Variants in EYA1 observed in about 807,000 individuals in gnomAD.
EYA1 encodes EYA transcriptional coactivator and phosphatase 1, also known as protein phosphatase EYA1.
In EYA1, 16 loss-of-function variants were observed where a neutral mutation model predicts 82.0. That is an observed-to-expected ratio of 0.20 (90% CI 0.13 to 0.30). EYA1 has a LOEUF of 0.30. EYA1 is among the 10% of genes least tolerant of loss of function. The pLI is 1.00. For missense variants in EYA1, 633 were observed against 730.7 expected, an observed-to-expected ratio of 0.87 and a Z score of 1.54; for synonymous variants, 261 against 264.4, an observed-to-expected ratio of 0.99 and a Z score of 0.12.
At chr8:71,397,384 C>T (rs566270587) in intron 2 of EYA1, among the ~76,000 whole-genome samples, 2 of 152,170 alleles carry the variant, frequency 1.3e-5, no homozygotes, top group African/African-American at 2.4e-5. Flanking sequence ...TTCCTAGCAT[C>T]GATGGTCTTT....
At chr8:71,346,454 A>C (rs1021349118) in intron 3 of EYA1, among the ~76,000 whole-genome samples, 11 of 134,224 alleles carry the variant, frequency 8.2e-5, no homozygotes, top group Non-Finnish European at 1.4e-4. Context: ...ATATATATAT[A>C]TCTATATATA....
intron 16 of EYA1, among the ~76,000 whole-genome samples, chr8:71,211,674 A>G (rs1028349756): frequency 6.6e-6 from 1 of 152,238 alleles, no homozygotes; most frequent in Non-Finnish European, 1.5e-5. Flanking sequence ...TTTTTTCTTC[A>G]TATATCAAAC....
At position 71,305,149 on chromosome 8, in the gene EYA1, T is replaced by C. The variant is rs1820587462; in HGVS notation, c.557-5429A>G. On this transcript the variant is annotated intron_variant, in intron 7 of 17. Coordinates refer to ENST00000340726, the MANE Select transcript of EYA1 (RefSeq NM_000503.6). Reference sequence around the variant, plus strand: ...CTTTTGGTCACAGAATTATTTGTAATGTTTGGAATTCTTTAATCAAAATAA... The same window carrying C: ...CTTTTGGTCACAGAATTATTTGTAACGTTTGGAATTCTTTAATCAAAATAA... Among the ~76,000 whole-genome samples, 2 of 143,276 alleles carry C rather than the reference T, an allele frequency of 1.4e-5. 1 individual carries two copies. Among genetic ancestry groups the C allele is most frequent in the Admixed American group, 1.4e-4 (2 of 14,488 alleles). 94.0% of individuals were successfully genotyped at this position (143,276 alleles called of 152,430 possible).
intron 12 of EYA1, chr8:71,225,134 C>T (rs1161354301): frequency 2.4e-6 from 1 of 411,642 alleles, no homozygotes; most frequent in Admixed American, 2.6e-5. Flanking sequence ...AACTGATGTA[C>T]TGTGTATTTA....
At chr8:71,203,526 A>G (rs113198342) in intron 17 of EYA1, among the ~76,000 whole-genome samples, 2,078 of 152,290 alleles carry the variant, frequency 0.014, 33 homozygotes, top group Middle Eastern at 0.037. Flanking sequence ...GTGGAAGGGA[A>G]GTGGATAGGG....
intron 2 of EYA1, among the ~76,000 whole-genome samples, chr8:71,466,115 T>A (rs1808752217): frequency 6.6e-6 from 1 of 152,318 alleles, no homozygotes; most frequent in Non-Finnish European, 1.5e-5. Context: ...GCTGCAATAC[T>A]TCTAAAATGA....
intron 2 of EYA1, among the ~76,000 whole-genome samples, chr8:71,428,370 A>C (rs1297444587): frequency 6.6e-6 from 1 of 152,250 alleles, no homozygotes; most frequent in Non-Finnish European, 1.5e-5. Context: ...TGTCAGAATA[A>C]GATTTATGCA....
chr8:71,243,069 C>T (rs575252306), intron 12 of EYA1, among the ~76,000 whole-genome samples: 6 of 152,200 alleles, frequency 3.9e-5, no homozygotes, highest in East Asian at 1.9e-4. Flanking sequence ...TGAGCCACTG[C>T]GCCCAGCCAA....
intron 9 of EYA1, among the ~76,000 whole-genome samples, chr8:71,278,300 T>C (rs1817434130): frequency 6.6e-6 from 1 of 152,236 alleles, no homozygotes; most frequent in South Asian, 2.1e-4. Context: ...TCAGGGTTTA[T>C]TGCCTACTAT....
At chr8:71,540,944 G>A (rs573613805) in intron 1 of EYA1, among the ~76,000 whole-genome samples, 27 of 152,248 alleles carry the variant, frequency 1.8e-4, no homozygotes, top group African/African-American at 6.5e-4. Flanking sequence ...ATCAAATCAA[G>A]GGGTTTCTAA....
intron 11 of EYA1, among the ~76,000 whole-genome samples, chr8:71,246,605 C>A (rs1302937542): frequency 2.0e-5 from 3 of 152,178 alleles, no homozygotes; most frequent in Non-Finnish European, 4.4e-5. Flanking sequence ...AGACTGTAGG[C>A]CAGACCCTGC....
intron 2 of EYA1, among the ~76,000 whole-genome samples, chr8:71,527,442 T>C (rs1813904021): frequency 6.6e-6 from 1 of 152,110 alleles, no homozygotes; most frequent in African/African-American, 2.4e-5. Flanking sequence ...ATAAAGAAAA[T>C]GAGGCCCAGA....
intron 11 of EYA1, among the ~76,000 whole-genome samples, chr8:71,263,865 C>T (rs1432204830): frequency 1.3e-5 from 2 of 152,126 alleles, no homozygotes; most frequent in African/African-American, 2.4e-5. Context: ...GTCTGTCAAT[C>T]CTCGGTCTAG....
At chr8:71,349,493 A>C (rs1826093299) in intron 3 of EYA1, among the ~76,000 whole-genome samples, 1 of 152,264 alleles carries the variant, frequency 6.6e-6, no homozygotes, top group South Asian at 2.1e-4. Context: ...CTCAGATGCC[A>C]CTGGTACTAA....
At chr8:71,419,173 CACCAT>C (rs1475294481) in intron 2 of EYA1, among the ~76,000 whole-genome samples, 4 of 152,090 alleles carry the variant, frequency 2.6e-5, no homozygotes, top group African/African-American at 9.7e-5. Context: ...TCAAAAGAAT[CACCAT>C]TGCTACTGTG....
intron 3 of EYA1, among the ~76,000 whole-genome samples, chr8:71,344,154 T>A (rs1002345050): frequency 6.6e-6 from 1 of 152,220 alleles, no homozygotes; most frequent in African/African-American, 2.4e-5. Flanking sequence ...AATTTTTATA[T>A]AATTAAATGT....
chr8:71,302,572 T>C (rs566419334), intron 7 of EYA1, among the ~76,000 whole-genome samples: 1 of 144,574 alleles, frequency 6.9e-6, no homozygotes, highest in South Asian at 2.2e-4. Context: ...CCCAGTGGCT[T>C]TGGAGACTTA....
At chr8:71,210,696 C>T (rs895553539) in intron 17 of EYA1, among the ~76,000 whole-genome samples, 2 of 152,190 alleles carry the variant, frequency 1.3e-5, no homozygotes, top group African/African-American at 2.4e-5. Context: ...AAGAAGACAT[C>T]GAGTCTTCTG....
At chr8:71,388,384 C>G (rs139325649) in intron 2 of EYA1, among the ~76,000 whole-genome samples, 195 of 152,186 alleles carry the variant, frequency 1.3e-3, no homozygotes, top group African/African-American at 4.2e-3. Flanking sequence ...AGCTTGGGTA[C>G]GACAATAGAA....
Sources: gnomAD v4.1 joint callset for allele counts (sites outside exome capture counted in the v4.1 genomes callset) on GRCh38, gnomAD v4.1.1 for gene constraint, MANE v1.5 for transcripts, NCBI Gene and HGNC (gene_info 2026-07-23, HGNC 2026-07-21) for gene names.